The following SLC2A13 variants were observed in gnomAD, a reference collection of about 807,000 sequenced individuals.
The protein encoded by SLC2A13 is solute carrier family 2 member 13.
In SLC2A13, 32 loss-of-function variants were observed where a neutral mutation model predicts 64.4. That is an observed-to-expected ratio of 0.50 (90% CI 0.37 to 0.67). The LOEUF (loss-of-function observed/expected upper bound fraction) is 0.67. Ranked by LOEUF, SLC2A13 falls within the 30% of genes least tolerant of loss-of-function variation. The pLI is 0.00. For missense variants in SLC2A13, 743 were observed against 829.2 expected, an observed-to-expected ratio of 0.90 and a Z score of 1.28; for synonymous variants, 338 against 327.1, an observed-to-expected ratio of 1.03 and a Z score of -0.36.
chr12:39,755,278 G>C lies in SLC2A13; in HGVS notation c.*4748C>G, dbSNP rs1939945992. On this transcript the variant is annotated 3_prime_UTR_variant, in exon 10 of 10. Coordinates refer to ENST00000280871, the MANE Select transcript of SLC2A13 (RefSeq NM_052885.4). ...AGAGATATCCCATATATCGCTTGTG[G>C]GAATAAATACTTATATTGAATTTGC... The C allele has an allele frequency of 6.6e-6, 1 of 151,730 alleles. No individual in the cohort carries two copies. The highest frequency in any genetic ancestry group is 6.6e-5 in the Admixed American group (1 of 15,190). The allele number at this position is 151,730 out of a possible 1,614,324, so 9.4% of individuals were successfully genotyped here.
intron 1 of SLC2A13, among the ~76,000 whole-genome samples, chr12:40,068,870 C>T (rs951227842): frequency 1.3e-4 from 20 of 149,518 alleles, no homozygotes; most frequent in African/African-American, 4.9e-4. Context: ...GAGGTAAAAA[C>T]AGCAGGAATA....
intron 7 of SLC2A13, among the ~76,000 whole-genome samples, chr12:39,807,738 C>T (rs1241756739): frequency 3.3e-5 from 5 of 152,062 alleles, no homozygotes; most frequent in Admixed American, 6.6e-5. Context: ...TGCACCCTTT[C>T]AATTATAATA....
At chr12:39,787,775 A>G (rs944666896) in intron 7 of SLC2A13, among the ~76,000 whole-genome samples, 6 of 152,180 alleles carry the variant, frequency 3.9e-5, no homozygotes, top group African/African-American at 1.4e-4. Flanking sequence ...AGGTGAATGG[A>G]AACAGCTGGG....
At chr12:39,981,685 T>G (rs1946904026) in intron 3 of SLC2A13, among the ~76,000 whole-genome samples, 2 of 152,038 alleles carry the variant, frequency 1.3e-5, no homozygotes, top group African/African-American at 2.4e-5. Flanking sequence ...CAATAATCAA[T>G]AGCTTACCCA....
intron 4 of SLC2A13, among the ~76,000 whole-genome samples, chr12:39,896,220 A>G (rs1176147426): frequency 6.7e-6 from 1 of 148,376 alleles, no homozygotes; most frequent in Non-Finnish European, 1.5e-5. Flanking sequence ...ATATACGTAT[A>G]CATATATGCA....
At chr12:40,082,994 C>A (rs1265253587) in intron 1 of SLC2A13, among the ~76,000 whole-genome samples, 1 of 152,086 alleles carries the variant, frequency 6.6e-6, no homozygotes, top group Non-Finnish European at 1.5e-5. Flanking sequence ...TTGGAGTATG[C>A]AGTTCTTCCT....
At chr12:39,873,614 C>T (rs1212631093) in intron 4 of SLC2A13, among the ~76,000 whole-genome samples, 1 of 152,038 alleles carries the variant, frequency 6.6e-6, no homozygotes, top group African/African-American at 2.4e-5. Context: ...TTATATTGTG[C>T]AAAATAATTC....
intron 1 of SLC2A13, among the ~76,000 whole-genome samples, chr12:40,083,671 T>C (rs1339504681): frequency 1.3e-5 from 2 of 152,202 alleles, no homozygotes; most frequent in Admixed American, 1.3e-4. Flanking sequence ...CTGAATCTTC[T>C]GACTAGAAGG....
chr12:39,944,878 A>G (rs1337563233), intron 4 of SLC2A13, among the ~76,000 whole-genome samples: 1 of 152,126 alleles, frequency 6.6e-6, no homozygotes, highest in Non-Finnish European at 1.5e-5. Context: ...TGCTTTCATC[A>G]TGCTCTTTCT....
intron 6 of SLC2A13, 113 bp from the exon 7 acceptor site, chr12:39,830,341 G>A (rs1942817840): frequency 6.8e-7 from 1 of 1,472,240 alleles, no homozygotes; most frequent in Admixed American, 2.4e-5. Flanking sequence ...TAAGCTTGGG[G>A]CCTTGGGACT....
intron 4 of SLC2A13, among the ~76,000 whole-genome samples, chr12:39,934,630 G>A (rs1945886840): frequency 6.6e-6 from 1 of 152,208 alleles, no homozygotes; most frequent in African/African-American, 2.4e-5. Context: ...GAGACTTAGG[G>A]ACATTACAGA....
At chr12:39,786,444 C>G (rs924878509) in intron 7 of SLC2A13, among the ~76,000 whole-genome samples, 5 of 104,872 alleles carry the variant, frequency 4.8e-5, no homozygotes, top group Admixed American at 4.0e-4. Context: ...TCCCAGTTTT[C>G]AGTATGTCTT....
At chr12:39,956,492 AG>A (rs1396707184) in intron 3 of SLC2A13, among the ~76,000 whole-genome samples, 1 of 152,240 alleles carries the variant, frequency 6.6e-6, no homozygotes, top group African/African-American at 2.4e-5. Context: ...AACAAAAGTA[AG>A]AAAAAGCTTC....
chr12:40,097,639 A>G lies in SLC2A13; in HGVS notation c.556+7614T>C, dbSNP rs113032860. On this transcript the variant is annotated intron_variant, in intron 1 of 9. Coordinates refer to ENST00000280871, the MANE Select transcript of SLC2A13 (RefSeq NM_052885.4). ...ACAAGCCTATGAAAAAATGTTCCAC[A>G]TCACTAATCATAAGAGAAATGTAAA... Among the ~76,000 whole-genome samples the G allele has an allele frequency of 5.3e-5, 8 of 152,328 alleles. 1 individual carries two copies. The highest frequency in any genetic ancestry group is 1.9e-4 in the African/African-American group (8 of 41,582).
chr12:39,789,440 T>C (rs1235970865), intron 7 of SLC2A13, among the ~76,000 whole-genome samples: 1 of 152,190 alleles, frequency 6.6e-6, no homozygotes, highest in Non-Finnish European at 1.5e-5. Flanking sequence ...AGTTTATCCC[T>C]GATGTATACA....
intron 6 of SLC2A13, among the ~76,000 whole-genome samples, chr12:39,847,191 C>A (rs1943342494): frequency 6.6e-6 from 1 of 152,076 alleles, no homozygotes; most frequent in Non-Finnish European, 1.5e-5. Flanking sequence ...TTTGTACTTC[C>A]TGCTGTCAAG....
chr12:39,936,907 C>T (rs962704215), intron 4 of SLC2A13, among the ~76,000 whole-genome samples: 3 of 152,108 alleles, frequency 2.0e-5, no homozygotes, highest in Non-Finnish European at 4.4e-5. Flanking sequence ...GGAGTTCTGA[C>T]CTGCAACTAC....
chr12:39,941,458 G>A (rs914484313), intron 4 of SLC2A13, among the ~76,000 whole-genome samples: 4 of 152,068 alleles, frequency 2.6e-5, no homozygotes, highest in African/African-American at 9.7e-5. Context: ...TTTTGATCAT[G>A]GCCATTCCTA....
chr12:40,041,783 A>G (rs986178254), intron 2 of SLC2A13, among the ~76,000 whole-genome samples: 4 of 152,248 alleles, frequency 2.6e-5, no homozygotes, highest in South Asian at 2.1e-4. Flanking sequence ...AGCCCCAGTT[A>G]GTTCTGGGCA....
Sources: gnomAD v4.1 joint callset for allele counts (sites outside exome capture counted in the v4.1 genomes callset) on GRCh38, gnomAD v4.1.1 for gene constraint, MANE v1.5 for transcripts, NCBI Gene and HGNC (gene_info 2026-07-23, HGNC 2026-07-21) for gene names.